The following AGBL4 variants were observed in gnomAD, a reference collection of about 807,000 sequenced individuals.
AGBL4 encodes the protein AGBL carboxypeptidase 4.
In AGBL4, 58 loss-of-function variants were observed where a neutral mutation model predicts 66.4. The observed-to-expected ratio is 0.87, with a 90% CI of 0.71 to 1.09. The LOEUF is 1.09. Ranked by LOEUF, AGBL4 falls within the 50% of genes least tolerant of loss-of-function variation. The probability of loss-of-function intolerance (pLI) is 0.00; values close to 1 mark genes in which losing one functional copy is unlikely to be tolerated. For missense variants in AGBL4, 579 were observed against 631.0 expected (o/e 0.92, Z 0.88); for synonymous variants, 234 against 222.9 (o/e 1.05, Z -0.44).
At chr1:49,382,867 T>C (rs1644652475) in intron 3 of AGBL4, among the ~76,000 whole-genome samples, 1 of 152,174 alleles carries the variant, frequency 6.6e-6, no homozygotes, top group Non-Finnish European at 1.5e-5. Context: ...GAGTGCAGCA[T>C]GGTGTTACAT....
chr1:49,990,877 A>G (rs1659890474), intron 1 of AGBL4, among the ~76,000 whole-genome samples: 1 of 152,376 alleles, frequency 6.6e-6, no homozygotes, highest in Non-Finnish European at 1.5e-5. Context: ...AATGTGAATT[A>G]CACATATGAA....
chr1:49,698,470 G>A (rs1375398457), intron 2 of AGBL4, among the ~76,000 whole-genome samples: 1 of 151,996 alleles, frequency 6.6e-6, no homozygotes, highest in Admixed American at 6.6e-5. Flanking sequence ...CTCCTATGAG[G>A]TAGAGACCAT....
At chr1:48,748,178 C>T (rs1651062720) in intron 6 of AGBL4, among the ~76,000 whole-genome samples, 1 of 152,190 alleles carries the variant, frequency 6.6e-6, no homozygotes, top group South Asian at 2.1e-4. Flanking sequence ...AAACAAAGGC[C>T]TTGGAAAGAG....
intron 3 of AGBL4, among the ~76,000 whole-genome samples, chr1:49,599,858 A>G (rs1355326277): frequency 6.6e-6 from 1 of 151,994 alleles, no homozygotes; most frequent in Non-Finnish European, 1.5e-5. Flanking sequence ...TCCTGCCTTA[A>G]TTTTATTTAC....
chr1:49,168,909 A>C (rs1456957080), intron 4 of AGBL4, among the ~76,000 whole-genome samples: 2 of 152,214 alleles, frequency 1.3e-5, no homozygotes, highest in Admixed American at 1.3e-4. Flanking sequence ...GCTGGGGACC[A>C]GGTGGCACAA....
At chr1:49,544,853 C>T (rs772991449) in intron 3 of AGBL4, among the ~76,000 whole-genome samples, 1 of 152,176 alleles carries the variant, frequency 6.6e-6, no homozygotes, top group Non-Finnish European at 1.5e-5. Flanking sequence ...GAAACTGAAA[C>T]CCACAGAGGT....
intron 3 of AGBL4, among the ~76,000 whole-genome samples, chr1:49,635,602 A>G (rs536621013): frequency 2.0e-5 from 3 of 152,328 alleles, no homozygotes; most frequent in African/African-American, 7.2e-5. Flanking sequence ...TACTTCAAAG[A>G]AAAGGGTATC....
At chr1:48,561,664 G>A (rs1557787354) in intron 11 of AGBL4, among the ~76,000 whole-genome samples, 1 of 152,352 alleles carries the variant, frequency 6.6e-6, no homozygotes, top group East Asian at 1.9e-4. Context: ...GTTGAAGACT[G>A]AATAAACAAA....
At chr1:49,752,332 A>G (rs989522545) in intron 2 of AGBL4, among the ~76,000 whole-genome samples, 4 of 152,162 alleles carry the variant, frequency 2.6e-5, no homozygotes, top group African/African-American at 4.8e-5. Context: ...TTCGTTATTT[A>G]CCCAGTAGGC....
At chr1:49,118,982 C>T (rs1346561463) in intron 4 of AGBL4, among the ~76,000 whole-genome samples, 6 of 152,112 alleles carry the variant, frequency 3.9e-5, no homozygotes, top group South Asian at 4.1e-4. Context: ...AGTTGATTTG[C>T]GTAGAGATGT....
At chr1:49,640,640 T>C (rs1015905663) in intron 3 of AGBL4, among the ~76,000 whole-genome samples, 1 of 152,178 alleles carries the variant, frequency 6.6e-6, no homozygotes, top group Non-Finnish European at 1.5e-5. Flanking sequence ...TGTTCTACCA[T>C]ACGGTCTCCT....
intron 3 of AGBL4, among the ~76,000 whole-genome samples, chr1:49,576,798 T>C (rs755701571): frequency 4.6e-5 from 7 of 152,150 alleles, no homozygotes; most frequent in Non-Finnish European, 8.8e-5. Context: ...GAGTTCCCTA[T>C]GATCAGTTGA....
chr1:49,354,151 A>G (rs887613285), intron 3 of AGBL4, among the ~76,000 whole-genome samples: 1 of 152,158 alleles, frequency 6.6e-6, no homozygotes, highest in Non-Finnish European at 1.5e-5. Flanking sequence ...CTGGAGCCTA[A>G]AAGTGCTCAC....
intron 2 of AGBL4, among the ~76,000 whole-genome samples, chr1:49,806,317 T>C (rs1400775239): frequency 6.6e-6 from 1 of 152,182 alleles, no homozygotes; most frequent in Non-Finnish European, 1.5e-5. Flanking sequence ...AGTTATAAAA[T>C]GGCAAAGAAC....
chr1:49,948,128 AT>A lies in AGBL4; in HGVS notation c.34+75634del, dbSNP rs1557608556. Among the ~76,000 whole-genome samples the A allele has an allele frequency of 4.8e-5, 5 of 103,610 alleles. No individual in the cohort carries two copies. The East Asian group carries it at 1.3e-3, about 27-fold the overall frequency. 68.0% of individuals were successfully genotyped at this position (103,610 alleles called of 152,430 possible). A position where few individuals can be genotyped will look rare whatever the true frequency, so the allele number is the denominator to read the frequency against. The stretch of plus-strand genomic sequence containing the variant: ...TATATGTAAATGTATGTAAATATAT[AT>A]AAATATATGTAAATATATATAAATA... On this transcript the variant is annotated intron_variant, in intron 1 of 13. Transcript: ENST00000371839.
chr1:48,600,664 C>G (rs1052836514), intron 9 of AGBL4, among the ~76,000 whole-genome samples: 4 of 152,054 alleles, frequency 2.6e-5, no homozygotes, highest in Admixed American at 6.6e-5. Context: ...GATTCAAAAC[C>G]AAGTGTTTCT....
chr1:49,855,926 T>TA (rs554142604), intron 1 of AGBL4, among the ~76,000 whole-genome samples: 3 of 151,936 alleles, frequency 2.0e-5, no homozygotes, highest in South Asian at 4.1e-4. Context: ...AAATAGAATC[T>TA]AAAAAAATAC....
chr1:48,707,562 A>G (rs1373182821), intron 6 of AGBL4, among the ~76,000 whole-genome samples: 1 of 152,186 alleles, frequency 6.6e-6, no homozygotes, highest in African/African-American at 2.4e-5. Flanking sequence ...CTCTGTCAAA[A>G]TAGCCTCTTG....
intron 9 of AGBL4, among the ~76,000 whole-genome samples, chr1:48,613,994 C>T (rs1487054979): frequency 6.6e-6 from 1 of 152,060 alleles, no homozygotes; most frequent in Non-Finnish European, 1.5e-5. Flanking sequence ...CTACTAAATA[C>T]ATAAGAAATA....
Sources: allele counts gnomAD v4.1 joint callset (sites outside exome capture counted in the v4.1 genomes callset), GRCh38; gene constraint gnomAD v4.1.1; transcripts MANE v1.5; gene names NCBI Gene and HGNC (gene_info 2026-07-23, HGNC 2026-07-21).